The following RENBP variants were observed in gnomAD, a reference collection of about 807,000 sequenced individuals.
RENBP encodes the protein renin binding protein, also known as N-acylglucosamine 2-epimerase.
A neutral mutation model predicts 37.8 loss-of-function variants in RENBP; 16 were observed. The ratio of observed to expected loss-of-function variants is 0.42; its 90% confidence interval spans 0.29 to 0.64. RENBP has a LOEUF of 0.64. Ranked by LOEUF, RENBP falls within the 30% of genes least tolerant of loss-of-function variation. The pLI is 0.19. For synonymous variants in RENBP, 170 were observed against 154.8 expected (o/e 1.10, Z -0.73); for missense variants, 347 against 379.5 (o/e 0.91, Z 0.71).
Position 153,935,374 on chromosome X carries a change from ATGGCTAGGCACCGCGGCACG to A in RENBP, c.1176_1195del (p.Pro394ArgfsTer?). Reference sequence around the variant, plus strand: ...CAGGGCGCCCAGCATCTCCTCGCACATGGCTAGGCACCGCGGCACGTGGAAGCAGCCTGCGGGTAGAGGCG... The same window carrying A: ...CAGGGCGCCCAGCATCTCCTCGCACATGGAAGCAGCCTGCGGGTAGAGGCG... On this transcript the variant is annotated frameshift_variant, in exon 11 of 11. Transcript: ENST00000393700. LOFTEE classifies it low-confidence loss of function (END_TRUNC). 8.8e-7 allele frequency: 1 copy of A among 1,130,568 alleles called. No homozygotes were observed. The highest frequency in any genetic ancestry group is 2.9e-5 in the Admixed American group (1 of 34,753). 93.2% of individuals were successfully genotyped at this position (1,130,568 alleles called of 1,213,427 possible). A position where few individuals can be genotyped will look rare whatever the true frequency, so the allele number is the denominator to read the frequency against.
Position 153,935,312 on chromosome X carries a change from T to C in RENBP, c.1258A>G (p.Thr420Ala), listed in dbSNP as rs868952655. The C allele has an allele frequency of 1.4e-6, 1 of 726,883 alleles. No individual in the cohort carries two copies. The highest frequency in any genetic ancestry group is 1.8e-6 in the Non-Finnish European group (1 of 559,127). 59.9% of individuals were successfully genotyped at this position (726,883 alleles called of 1,213,427 possible). A position where few individuals can be genotyped will look rare whatever the true frequency, so the allele number is the denominator to read the frequency against. Residue 420 changes from threonine to alanine, a missense_variant, in exon 11 of 11, where the codon ACC becomes GCC. Around this residue, in one of 3 missense-constraint regions of RENBP, gnomAD observed 91 missense variants for 67.7 expected, o/e 1.34. Coordinates refer to ENST00000393700, the MANE Select transcript of RENBP (RefSeq NM_002910.6). ...TATTCCGCGCCTCGGCAGGCGGGGG[T>C]GGGGGCGGGGGAGGGGGCGGGGGCG... is the stretch of plus-strand genomic sequence containing the variant. ...RPAPAPSPAPTPACRGAE is the reference protein window; with the variant it reads ...RPAPAPSPAPAPACRGAE
At chrX:153,941,925 G>GCGGGCC in intron 7 of RENBP, 25 bp downstream of exon 7, 26 of 708,363 alleles carry the variant, frequency 3.7e-5, no homozygotes, top group Non-Finnish European at 5.7e-5. Context: ...CTCCTGGGTG[G>GCGGGCC]CCCCCAGCCC....
chrX:153,939,665 C>A (rs1164693885), intron 9 of RENBP, among the ~76,000 whole-genome samples: 1 of 111,479 alleles, frequency 9.0e-6, no homozygotes, highest in Non-Finnish European at 1.9e-5. Context: ...AGCTGGAGTC[C>A]GTCCCTTGCC....
chrX:153,942,797 C>T, intron 6 of RENBP, 58 bp downstream of exon 6: 3 of 1,006,923 alleles, frequency 3.0e-6, no homozygotes, highest in South Asian at 3.8e-5. Flanking sequence ...CCAGGGTGCC[C>T]AGGGGAGTGG....
Position 153,938,785 on chromosome X carries a change from TTTTTTTTTTTG to T in RENBP, c.1077+1306_1077+1316del, listed in dbSNP as rs1305585259. On this transcript the variant is annotated intron_variant, in intron 9 of 10. Coordinates refer to ENST00000393700, the MANE Select transcript of RENBP (RefSeq NM_002910.6). ...AGATCTCAGCAGCATCTGTACTGTT[TTTTTTTTTTTG>T]TTTTTTTTTTTTTTGAGACCAAGTC... Among the ~76,000 whole-genome samples, 12 of 93,361 alleles carry T rather than the reference TTTTTTTTTTTG, an allele frequency of 1.3e-4. No homozygotes were observed. In the East Asian group the frequency reaches 4.2e-3, roughly 32 times the overall value. 81.1% of individuals were successfully genotyped at this position (93,361 alleles called of 115,157 possible).
intron 9 of RENBP, among the ~76,000 whole-genome samples, chrX:153,937,814 C>T (rs933043758): frequency 2.7e-5 from 3 of 110,659 alleles, no homozygotes; most frequent in African/African-American, 6.6e-5. Flanking sequence ...AGGCTGTTCT[C>T]GAACTCCTGA....
intron 9 of RENBP, among the ~76,000 whole-genome samples, chrX:153,938,817 A>C (rs1287096174): frequency 2.6e-5 from 2 of 75,840 alleles, no homozygotes; most frequent in African/African-American, 5.7e-5. Context: ...TTTTGAGACC[A>C]AGTCTTGCTC....
chrX:153,942,857 G>A lies in RENBP; in HGVS notation c.685C>T (p.Gln229Ter). 1 of 1,202,321 alleles carries A rather than the reference G, an allele frequency of 8.3e-7. No individual in the cohort carries two copies. Among genetic ancestry groups the A allele is most frequent in the Non-Finnish European group, 1.1e-6 (1 of 888,040 alleles). Residue 229 changes from glutamine (Q) to a stop codon, truncating the protein, a stop_gained and splice_region_variant, in exon 6 of 11, where the codon CAG becomes TAG. Transcript: ENST00000393700. LOFTEE classifies it high-confidence loss of function. ...WCARRILQHV[Q>*]RDGQAVLENV... The stretch of plus-strand genomic sequence containing the variant: ...CCAGCTCCCCAGGCATCCCCCACCT[G>A]CACGTGCTGCAGAATCCTCCGGGCG...
chrX:153,941,950 C>CCCCCGGGGGGGG lies in RENBP; in HGVS notation c.768_769insCCCCCCCCGGGG (p.Pro256_Gly257insProProProGly). 8.8e-7 allele frequency: 1 copy of CCCCCGGGGGGGG among 1,130,620 alleles called. No individual in the cohort carries two copies. Among genetic ancestry groups the CCCCCGGGGGGGG allele is most frequent in the Non-Finnish European group, 1.2e-6 (1 of 823,192 alleles). 93.2% of individuals were successfully genotyped at this position (1,130,620 alleles called of 1,213,427 possible). The stretch of plus-strand genomic sequence containing the variant: ...GCCCCCAGCCCACCCCGCCCCTCAC[C>CCCCCGGGGGGGG]TGGGTTCTGCTGTCTCCCCAGGCAG... On this transcript the variant is annotated inframe_insertion and splice_region_variant, in exon 7 of 11. Coordinates refer to ENST00000393700, the MANE Select transcript of RENBP (RefSeq NM_002910.6).
intron 7 of RENBP, 145 bp from the exon 8 acceptor site, chrX:153,941,798 C>T: frequency 2.7e-6 from 2 of 739,929 alleles, no homozygotes; most frequent in Non-Finnish European, 4.0e-6. Context: ...GAAGCCTGCT[C>T]CTCTGCAGAA....
chrX:153,942,228 T>C (rs2065230118), intron 6 of RENBP, 197 bp from the exon 7 acceptor site: 1 of 233,677 alleles, frequency 4.3e-6, no homozygotes, highest in East Asian at 6.8e-5. Flanking sequence ...TAGCAAGTTG[T>C]TGTTTTTTTT....
chrX:153,944,391 G>A lies in RENBP; in HGVS notation c.55C>T (p.Gln19Ter). The A allele has an allele frequency of 8.3e-7, 1 of 1,211,104 alleles. No homozygotes were observed. The highest frequency in any genetic ancestry group is 1.1e-6 in the Non-Finnish European group (1 of 894,898). ...TGCCCCACGCGCTCCTTCCAGGCCT[G>A]CAGAGTCTCTCGCTCTTTCTCCATG... ...QDMEKERETLQAWKERVGQEL... is the reference protein window; with the variant it reads ...QDMEKERETL Residue 19 changes from glutamine (Q) to a stop codon, truncating the protein, a stop_gained, in exon 2 of 11, where the codon CAG becomes TAG. Coordinates refer to ENST00000393700, the MANE Select transcript of RENBP (RefSeq NM_002910.6). LOFTEE classifies it high-confidence loss of function.
intron 8 of RENBP, among the ~76,000 whole-genome samples, chrX:153,941,122 A>G (rs2065224159): frequency 1.1e-5 from 1 of 94,245 alleles, no homozygotes; most frequent in African/African-American, 4.0e-5. Flanking sequence ...CTGGGCAGCA[A>G]GAGCAAAACT....
At chrX:153,935,783 G>C (rs1478163249) in intron 9 of RENBP, among the ~76,000 whole-genome samples, 4 of 112,939 alleles carry the variant, frequency 3.5e-5, no homozygotes, top group Non-Finnish European at 7.5e-5. Flanking sequence ...ACTGGGCAAG[G>C]GGATGAGACA....
Position 153,943,944 on chromosome X carries a change from G to C in RENBP, c.240C>G (p.Arg80=). 2 of 1,193,109 alleles carry C rather than the reference G, an allele frequency of 1.7e-6. No individual in the cohort carries two copies. Among genetic ancestry groups the C allele is most frequent in the Non-Finnish European group, 2.3e-6 (2 of 885,667 alleles). ...GAGCATGGCGGAAGCGCTCGAAAGT[G>C]CGGTACAGGCGACAATACATCCATA... ...RQVWMYCRLY[R]TFERFRHAQL... The change falls in exon 4 of 11, where the codon CGC becomes CGG. Residue 80 remains arginine (R), a synonymous_variant. Transcript: ENST00000393700.
At chrX:153,941,863 G>A (rs1335447433) in intron 7 of RENBP, 87 bp downstream of exon 7, 16 of 906,543 alleles carry the variant, frequency 1.8e-5, no homozygotes, top group South Asian at 6.0e-5. Flanking sequence ...AGGCGCCCCC[G>A]CCAGGCACTC....
chrX:153,942,899 C>G lies in RENBP; in HGVS notation c.643G>C (p.Glu215Gln). Residue 215 changes from glutamate to glutamine, a missense_variant, in exon 6 of 11, where the codon GAG becomes CAG. Around this residue, in one of 3 missense-constraint regions of RENBP, gnomAD observed 244 missense variants for 279.4 expected, o/e 0.87. Transcript: ENST00000393700. The part of the protein sequence containing the change: ...ADEELAGKYA[E>Q]LGDWCARRIL... The stretch of plus-strand genomic sequence containing the variant: ...CTCCGGGCGCACCAGTCCCCCAGCT[C>G]TGCGTATTTGCCCGCCAGCTCCTCA... 8.3e-7 allele frequency: 1 copy of G among 1,211,444 alleles called. No individual in the cohort carries two copies. Among genetic ancestry groups the G allele is most frequent in the South Asian group, 1.8e-5 (1 of 57,046 alleles).
intron 6 of RENBP, 170 bp downstream of exon 6, chrX:153,942,685 G>C (rs2065232427): frequency 4.3e-6 from 2 of 464,828 alleles, no homozygotes; most frequent in African/African-American, 4.9e-5. Context: ...CCTTCTGTCA[G>C]GGCTTGCCTG....
chrX:153,935,471 G>A lies in RENBP; in HGVS notation c.1165+18C>T. On this transcript the variant is annotated intron_variant, in intron 10 of 10. Transcript: ENST00000393700. ...CGAGAGGCGCAACCCCTGCGGCCCCGCCCTCTCCCCCACTCACCTTTGAAA... is the reference window on the plus strand; with the variant it reads ...CGAGAGGCGCAACCCCTGCGGCCCCACCCTCTCCCCCACTCACCTTTGAAA... 1 of 1,185,368 alleles carries A rather than the reference G, an allele frequency of 8.4e-7. No individual in the cohort carries two copies. The highest frequency in any genetic ancestry group is 1.1e-6 in the Non-Finnish European group (1 of 874,116).
Sources: allele counts gnomAD v4.1 joint callset (sites outside exome capture counted in the v4.1 genomes callset), GRCh38; gene constraint gnomAD v4.1.1; regional missense constraint gnomAD v4.1.1; transcripts MANE v1.5; gene names NCBI Gene and HGNC (gene_info 2026-07-23, HGNC 2026-07-21).